Variants in INSR observed in about 807,000 individuals in gnomAD.
INSR encodes the protein IR.
In INSR, 67 loss-of-function variants were observed where a neutral mutation model predicts 142.6. The observed-to-expected ratio is 0.47, with a 90% CI of 0.39 to 0.58. INSR has a LOEUF of 0.58. Ranked by LOEUF, INSR falls within the 20% of genes least tolerant of loss-of-function variation. The probability of loss-of-function intolerance (pLI) is 0.00; values close to 1 mark genes in which losing one functional copy is unlikely to be tolerated. For missense variants in INSR, 1,248 were observed against 1,833.2 expected (o/e 0.68, Z 5.83); for synonymous variants, 756 against 743.1 (o/e 1.02, Z -0.28).
intron 2 of INSR, among the ~76,000 whole-genome samples, chr19:7,262,346 C>T (rs1030505939): frequency 2.0e-5 from 3 of 152,166 alleles, no homozygotes; most frequent in South Asian, 2.1e-4. Flanking sequence ...GTGGCAGGTG[C>T]CCGTAATCCG....
chr19:7,122,442 G>A (rs1376430579), intron 19 of INSR, 172 bp downstream of exon 19: 52 of 703,126 alleles, frequency 7.4e-5, no homozygotes, highest in Middle Eastern at 4.0e-4. Flanking sequence ...GTAAGACTCC[G>A]TCTCAAAAAC....
chr19:7,193,574 C>A (rs1974658700), intron 2 of INSR, among the ~76,000 whole-genome samples: 1 of 151,734 alleles, frequency 6.6e-6, no homozygotes, highest in African/African-American at 2.4e-5. Flanking sequence ...ATATGTCCCT[C>A]TGAAAGGGAC....
At chr19:7,197,389 G>A (rs975852707) in intron 2 of INSR, among the ~76,000 whole-genome samples, 27 of 152,350 alleles carry the variant, frequency 1.8e-4, no homozygotes, top group African/African-American at 5.0e-4. Flanking sequence ...ACGGGGGCGG[G>A]CCCTCTCCAT....
chr19:7,228,803 C>T (rs555006873), intron 2 of INSR, among the ~76,000 whole-genome samples: 2 of 152,204 alleles, frequency 1.3e-5, no homozygotes, highest in African/African-American at 2.4e-5. Flanking sequence ...GATAGACACA[C>T]GGATAGATGG....
intron 2 of INSR, among the ~76,000 whole-genome samples, chr19:7,255,606 C>T (rs1976865027): frequency 6.7e-6 from 1 of 148,736 alleles, no homozygotes; most frequent in Non-Finnish European, 1.5e-5. Flanking sequence ...GAGACAGGGT[C>T]TCACTCTGTT....
At chr19:7,271,835 C>G (rs939475805) in intron 1 of INSR, among the ~76,000 whole-genome samples, 2 of 151,866 alleles carry the variant, frequency 1.3e-5, no homozygotes, top group Non-Finnish European at 2.9e-5. Context: ...CATAGCGAGT[C>G]TCCATCTCTA....
chr19:7,182,917 A>G (rs1974312453), intron 3 of INSR, among the ~76,000 whole-genome samples: 1 of 151,950 alleles, frequency 6.6e-6, no homozygotes. Context: ...CCAAAAAAAA[A>G]AAAAAAAACC....
intron 17 of INSR, among the ~76,000 whole-genome samples, chr19:7,123,731 T>C (rs2144808052): frequency 6.6e-6 from 1 of 150,868 alleles, no homozygotes; most frequent in East Asian, 2.0e-4. Context: ...GAGACCAGCC[T>C]GGCCAACATG....
chr19:7,256,020 A>T (rs886180946), intron 2 of INSR, among the ~76,000 whole-genome samples: 6 of 152,142 alleles, frequency 3.9e-5, no homozygotes, highest in African/African-American at 9.7e-5. Context: ...GCCCAGAAAC[A>T]TACTCTCTAG....
chr19:7,139,094 G>C (rs1385419130), intron 13 of INSR, among the ~76,000 whole-genome samples: 1 of 152,106 alleles, frequency 6.6e-6, no homozygotes, highest in Non-Finnish European at 1.5e-5. Context: ...GTCCTTCCTT[G>C]CCTGGGCTAG....
chr19:7,135,981 A>AAAGG (rs1972914510), intron 13 of INSR, among the ~76,000 whole-genome samples: 1 of 151,336 alleles, frequency 6.6e-6, no homozygotes, highest in African/African-American at 2.4e-5. Flanking sequence ...AAAAAAAAAG[A>AAAGG]AAGAATGAAA....
intron 3 of INSR, among the ~76,000 whole-genome samples, chr19:7,178,346 G>C (rs967033801): frequency 6.6e-6 from 1 of 151,628 alleles, no homozygotes; most frequent in Non-Finnish European, 1.5e-5. Flanking sequence ...AGGGAGATGA[G>C]GGGGCTGGAA....
chr19:7,237,954 C>G (rs1036533695), intron 2 of INSR, among the ~76,000 whole-genome samples: 1 of 152,002 alleles, frequency 6.6e-6, no homozygotes, highest in African/African-American at 2.4e-5. Context: ...TCAAAATGTT[C>G]AGTTATGTAC....
At chr19:7,198,856 G>A (rs570419676) in intron 2 of INSR, among the ~76,000 whole-genome samples, 19 of 151,954 alleles carry the variant, frequency 1.3e-4, no homozygotes, top group African/African-American at 4.6e-4. Flanking sequence ...GGCAGCGAGT[G>A]GACATTCTCA....
chr19:7,164,207 A>T (rs1234769024), intron 8 of INSR, among the ~76,000 whole-genome samples: 1 of 151,562 alleles, frequency 6.6e-6, no homozygotes, highest in African/African-American at 2.4e-5. Flanking sequence ...AGGAGGGTGC[A>T]TCCTGTGTGT....
intron 17 of INSR, 107 bp from the exon 18 acceptor site, chr19:7,123,096 G>A (rs867118166): frequency 9.8e-6 from 8 of 817,366 alleles, no homozygotes; most frequent in South Asian, 1.5e-5. Flanking sequence ...CTGTGGCCTG[G>A]ATGCAGCGTG....
intron 1 of INSR, among the ~76,000 whole-genome samples, chr19:7,292,114 CAA>C (rs1968509333): frequency 1.4e-5 from 2 of 144,726 alleles, no homozygotes; most frequent in African/African-American, 2.6e-5. Context: ...TTTTTTGAGA[CAA>C]AGTCTCGCTC....
chr19:7,277,657 C>T (rs565955495), intron 1 of INSR, among the ~76,000 whole-genome samples: 4 of 152,058 alleles, frequency 2.6e-5, no homozygotes, highest in Admixed American at 2.0e-4. Flanking sequence ...CATAGCCAGG[C>T]GTGGTGAGGC....
intron 2 of INSR, among the ~76,000 whole-genome samples, chr19:7,250,162 A>AAAAG (rs1350521393): frequency 2.0e-5 from 3 of 151,352 alleles, no homozygotes; most frequent in Admixed American, 6.6e-5. Context: ...CTGTCGAAAG[A>AAAAG]AAAGAAAGAA....
Sources: allele counts gnomAD v4.1 joint callset (sites outside exome capture counted in the v4.1 genomes callset), GRCh38; gene constraint gnomAD v4.1.1; transcripts MANE v1.5; gene names NCBI Gene and HGNC (gene_info 2026-07-23, HGNC 2026-07-21).